HPD: variants seen among roughly 807,000 people sequenced by gnomAD.
The protein encoded by HPD is 4-hydroxyphenylpyruvic acid oxidase.
HPD carries 35 observed loss-of-function variants against 56.9 expected under a neutral mutation model. That is an observed-to-expected ratio of 0.62 (90% CI 0.47 to 0.82). The LOEUF is 0.82. Ranked by LOEUF, HPD falls within the 40% of genes least tolerant of loss-of-function variation. The pLI, the probability that HPD is intolerant of heterozygous loss-of-function variation, is 0.00. For missense variants in HPD, 442 were observed against 506.8 expected (o/e 0.87, Z 1.23); for synonymous variants, 186 against 200.2 (o/e 0.93, Z 0.60).
intron 11 of HPD, 58 bp downstream of exon 11, chr12:121,846,804 A>G: frequency 3.2e-6 from 5 of 1,552,886 alleles, no homozygotes; most frequent in Non-Finnish European, 4.4e-6. Flanking sequence ...TCAATTTTGC[A>G]GAGATCGTCC....
intron 7 of HPD, among the ~76,000 whole-genome samples, chr12:121,852,860 G>A (rs1877856954): frequency 6.6e-6 from 1 of 151,492 alleles, no homozygotes; most frequent in South Asian, 2.1e-4. Context: ...GCTAACTTCT[G>A]ACCTCAAGTG....
intron 2 of HPD, among the ~76,000 whole-genome samples, 157 bp downstream of exon 2, chr12:121,858,530 C>T (rs888943728): frequency 6.6e-6 from 1 of 152,038 alleles, no homozygotes; most frequent in Non-Finnish European, 1.5e-5. Flanking sequence ...AGCTCAGTCT[C>T]GGGGAGCCCC....
intron 3 of HPD, 157 bp from the exon 4 acceptor site, chr12:121,857,589 GACAGATA>G (rs1219103992): frequency 1.2e-6 from 1 of 827,316 alleles, no homozygotes; most frequent in African/African-American, 1.7e-5. Flanking sequence ...ACATTTTGCT[GACAGATA>G]ACTTTCCCGC....
At chr12:121,849,987 G>A (rs867310061) in intron 7 of HPD, 197 bp from the exon 8 acceptor site, 27 of 600,966 alleles carry the variant, frequency 4.5e-5, no homozygotes, top group Middle Eastern at 4.4e-4. Flanking sequence ...CCGTGAGGGC[G>A]GGGACACTGT....
chr12:121,865,882 G>C (rs537967900), upstream of HPD, among the ~76,000 whole-genome samples: 5 of 152,138 alleles, frequency 3.3e-5, no homozygotes, highest in South Asian at 2.1e-4. Flanking sequence ...CCATCTACTC[G>C]AGAGGCTGAG....
At chr12:121,888,008 A>T in the HPD span, among the ~76,000 whole-genome samples, 1 of 152,140 alleles carries the variant, frequency 6.6e-6, no homozygotes, top group Non-Finnish European at 1.5e-5. Context: ...TAGTTGGGTA[A>T]ATTGGTTATT....
rs181451215 is a variant in HPD at position 121,845,363 on chromosome 12, A to G, written c.831+1499T>C. Among the ~76,000 whole-genome samples the G allele has an allele frequency of 1.3e-3, 191 of 149,502 alleles. 1 individual carries two copies. Among genetic ancestry groups the G allele is most frequent in the South Asian group, 8.4e-4 (4 of 4,768 alleles). The stretch of plus-strand genomic sequence containing the variant: ...TGTAATCCCAGCACTTTGGGAGGCC[A>G]AGGTGGGCAGATCACAAGATCAGGA... On this transcript the variant is annotated intron_variant, in intron 11 of 13. Coordinates refer to ENST00000289004, the MANE Select transcript of HPD (RefSeq NM_002150.3).
At chr12:121,863,464 G>A (rs1368951004), upstream of HPD, 1 of 152,178 alleles carries the variant, frequency 6.6e-6, no homozygotes, top group East Asian at 1.9e-4. Flanking sequence ...TTCTCAATTC[G>A]TTGCAATTTG....
chr12:121,869,123 G>A, the HPD span, among the ~76,000 whole-genome samples: 4 of 152,040 alleles, frequency 2.6e-5, no homozygotes, highest in Admixed American at 2.6e-4. Context: ...GGAGGCCGAG[G>A]CGGATCACTT....
chr12:121,841,467 C>T (rs1334160559), intron 12 of HPD, among the ~76,000 whole-genome samples: 1 of 152,174 alleles, frequency 6.6e-6, no homozygotes, highest in East Asian at 1.9e-4. Context: ...GAGCCTTGTA[C>T]ATAGATGTTC....
the HPD span, among the ~76,000 whole-genome samples, chr12:121,880,615 C>T: frequency 5.2e-3 from 786 of 152,224 alleles, 10 homozygotes; most frequent in African/African-American, 0.018. Context: ...TTAACAATTG[C>T]TTTATTAAAT....
At chr12:121,888,313 G>A in the HPD span, among the ~76,000 whole-genome samples, 41 of 152,286 alleles carry the variant, frequency 2.7e-4, no homozygotes, top group South Asian at 8.5e-3. Flanking sequence ...TGAGGAAACT[G>A]AGGCCCAGAG....
intron 7 of HPD, among the ~76,000 whole-genome samples, chr12:121,851,389 C>T (rs1877766328): frequency 6.6e-6 from 1 of 151,184 alleles, no homozygotes; most frequent in Non-Finnish European, 1.5e-5. Flanking sequence ...CTCTGTCGCC[C>T]AGGCTGGAGT....
chr12:121,856,605 TGAG>T lies in HPD; in HGVS notation c.216_218del (p.Ser73del), dbSNP rs1302040327. 1 of 1,614,026 alleles carries T rather than the reference TGAG, an allele frequency of 6.2e-7. No individual in the cohort carries two copies. The highest frequency in any genetic ancestry group is 1.1e-5 in the South Asian group (1 of 91,076). On this transcript the variant is annotated inframe_deletion, in exon 5 of 14. Transcript: ENST00000289004. Reference sequence around the variant, plus strand: ...CACCTTTGTTCCAGGGGTTGAGCGCTGAGGAGAGGACAAACACAATCTAAGATA... The same window carrying T: ...CACCTTTGTTCCAGGGGTTGAGCGCTGAGAGGACAAACACAATCTAAGATA...
the HPD span, among the ~76,000 whole-genome samples, chr12:121,885,890 T>A: frequency 6.6e-6 from 1 of 150,832 alleles, no homozygotes; most frequent in African/African-American, 2.4e-5. Context: ...ACCAGGGAGG[T>A]GGACGTTGCA....
chr12:121,865,152 C>T (rs995057696), upstream of HPD, among the ~76,000 whole-genome samples: 14 of 152,066 alleles, frequency 9.2e-5, no homozygotes, highest in African/African-American at 3.4e-4. Context: ...CCCGTAGTTT[C>T]GGCTACTCGG....
chr12:121,847,302 T>C, intron 9 of HPD, 88 bp from the exon 10 acceptor site: 1 of 1,258,472 alleles, frequency 7.9e-7, no homozygotes, highest in South Asian at 1.2e-5. Flanking sequence ...AATCTGTCCC[T>C]GAGCAGGCTC....
chr12:121,877,078 A>G, the HPD span, among the ~76,000 whole-genome samples: 1 of 144,336 alleles, frequency 6.9e-6, no homozygotes, highest in South Asian at 2.3e-4. Flanking sequence ...TGGGTGACAC[A>G]GCAAGACTCC....
chr12:121,858,473 C>A (rs560474116), intron 2 of HPD, among the ~76,000 whole-genome samples: 24 of 152,230 alleles, frequency 1.6e-4, no homozygotes, highest in African/African-American at 5.5e-4. Flanking sequence ...CATGAGCCAC[C>A]ATGCCCGGCC....
Sources: allele counts gnomAD v4.1 joint callset (sites outside exome capture counted in the v4.1 genomes callset), GRCh38; gene constraint gnomAD v4.1.1; transcripts MANE v1.5; gene names NCBI Gene and HGNC (gene_info 2026-07-23, HGNC 2026-07-21).